NLGN4X: variants seen among roughly 807,000 people sequenced by gnomAD.
NLGN4X encodes the protein neuroligin 4 X-linked, also known as neuroligin-4, X-linked.
Under a neutral mutation model 40.3 loss-of-function variants are expected in NLGN4X, and 3 were observed. That is an observed-to-expected ratio of 0.07 (90% CI 0.03 to 0.19). NLGN4X has a LOEUF of 0.19. NLGN4X is among the 10% of genes least tolerant of loss of function. The pLI, the probability that NLGN4X is intolerant of heterozygous loss-of-function variation, is 1.00. For synonymous variants in NLGN4X, 270 were observed against 306.8 expected, an observed-to-expected ratio of 0.88 and a Z score of 1.25; for missense variants, 382 against 708.3, an observed-to-expected ratio of 0.54 and a Z score of 5.23.
chrX:6,113,232 A>G (rs1430641136), intron 2 of NLGN4X, among the ~76,000 whole-genome samples: 1 of 111,338 alleles, frequency 9.0e-6, no homozygotes, highest in Non-Finnish European at 1.9e-5. Flanking sequence ...AAAATTGCAC[A>G]CATATTGGCT....
At chrX:6,154,259 G>A (rs766224642) in intron 1 of NLGN4X, among the ~76,000 whole-genome samples, 1 of 112,203 alleles carries the variant, frequency 8.9e-6, no homozygotes, top group Admixed American at 9.5e-5. Context: ...AAGGCATCAA[G>A]TATAAAATTA....
At chrX:5,917,219 C>A (rs1415616149) in intron 3 of NLGN4X, among the ~76,000 whole-genome samples, 1 of 112,607 alleles carries the variant, frequency 8.9e-6, no homozygotes, top group East Asian at 2.8e-4. Context: ...GCACGGCTAG[C>A]TCATGGACCC....
At chrX:6,170,558 A>G (rs1156349539) in intron 1 of NLGN4X, among the ~76,000 whole-genome samples, 1 of 111,923 alleles carries the variant, frequency 8.9e-6, no homozygotes, top group Non-Finnish European at 1.9e-5. Flanking sequence ...TTGTTTCAAT[A>G]AAGAAAGGCA....
chrX:5,908,303 G>A (rs1461396805), intron 4 of NLGN4X, among the ~76,000 whole-genome samples: 1 of 110,520 alleles, frequency 9.0e-6, no homozygotes, highest in African/African-American at 3.3e-5. Flanking sequence ...CTAAATGAAT[G>A]CACCAGACGT....
intron 3 of NLGN4X, among the ~76,000 whole-genome samples, chrX:5,945,735 A>G (rs2034100905): frequency 9.0e-6 from 1 of 110,978 alleles, no homozygotes; most frequent in Non-Finnish European, 1.9e-5. Context: ...GAACACATGC[A>G]CACATAGAGG....
At chrX:6,015,620 C>T (rs1482624644) in intron 3 of NLGN4X, among the ~76,000 whole-genome samples, 1 of 111,847 alleles carries the variant, frequency 8.9e-6, no homozygotes, top group Non-Finnish European at 1.9e-5. Context: ...TCAGCATTTA[C>T]ATTCCTGAGT....
chrX:6,012,122 A>T (rs1428330287), intron 3 of NLGN4X, among the ~76,000 whole-genome samples: 4 of 112,722 alleles, frequency 3.5e-5, no homozygotes, highest in Non-Finnish European at 7.5e-5. Flanking sequence ...TTGTAATCAG[A>T]TTTAATCACA....
intron 3 of NLGN4X, among the ~76,000 whole-genome samples, chrX:5,931,190 T>C (rs933992160): frequency 3.6e-5 from 4 of 112,090 alleles, no homozygotes; most frequent in African/African-American, 1.3e-4. Context: ...AAAATTCATA[T>C]TGCAATAAAA....
At chrX:5,911,525 G>A (rs1174807825) in intron 3 of NLGN4X, among the ~76,000 whole-genome samples, 4 of 112,252 alleles carry the variant, frequency 3.6e-5, no homozygotes, top group Admixed American at 9.5e-5. Flanking sequence ...TGAGGGAAAC[G>A]ACAATCCATG....
chrX:5,952,730 AGGCT>A (rs928460243), intron 3 of NLGN4X, among the ~76,000 whole-genome samples: 1 of 111,293 alleles, frequency 9.0e-6, no homozygotes, highest in African/African-American at 3.3e-5. Flanking sequence ...TCTGTAAGAC[AGGCT>A]GGCTGGCTGG....
At chrX:5,980,559 C>G (rs1345577370) in intron 3 of NLGN4X, among the ~76,000 whole-genome samples, 3 of 100,443 alleles carry the variant, frequency 3.0e-5, no homozygotes, top group African/African-American at 1.1e-4. Flanking sequence ...GTTTTTTGTA[C>G]AAATTGTGAG....
rs1413598974 is a variant in NLGN4X, at chrX:6,028,596, T to A, written c.625+684A>T. Among the ~76,000 whole-genome samples the A allele has an allele frequency of 5.6e-5, 6 of 107,750 alleles. No homozygotes were observed. The East Asian group carries it at 1.7e-3, about 31-fold the overall frequency. The allele number at this position is 107,750 out of a possible 115,157, so 93.6% of individuals were successfully genotyped here. On this transcript the variant is annotated intron_variant, in intron 3 of 5. Coordinates refer to ENST00000381095, the MANE Select transcript of NLGN4X (RefSeq NM_181332.3). ...ATCACTTGAACCCGGGAGGCAGAGG[T>A]TGTAGTGAGCCAAGATCGCACCACT...
At chrX:6,025,920 G>GA (rs1304238371) in intron 3 of NLGN4X, among the ~76,000 whole-genome samples, 1 of 99,466 alleles carries the variant, frequency 1.0e-5, no homozygotes, top group East Asian at 3.3e-4. Context: ...AAAAAAAAAA[G>GA]AAAAGAAAAA....
At chrX:6,118,555 C>T (rs1370504446) in intron 2 of NLGN4X, among the ~76,000 whole-genome samples, 1 of 111,197 alleles carries the variant, frequency 9.0e-6, no homozygotes, top group Non-Finnish European at 1.9e-5. Flanking sequence ...TAAAATATTC[C>T]CAGAATCTGG....
rs754491752 is a variant in NLGN4X at position 5,994,352 on chromosome X, A to G, written c.625+34928T>C. Among the ~76,000 whole-genome samples the G allele has an allele frequency of 2.7e-5, 3 of 111,883 alleles. No homozygotes were observed. In the South Asian group the frequency reaches 1.1e-3, roughly 42 times the overall value. The stretch of plus-strand genomic sequence containing the variant: ...ACTTTACTAGAACCTCTTAGTGGGT[A>G]GACAGGAGATGGGTAATTACCTAAT... On this transcript the variant is annotated intron_variant, in intron 3 of 5. Transcript: ENST00000381095.
intron 3 of NLGN4X, among the ~76,000 whole-genome samples, chrX:5,995,256 C>T (rs991480945): frequency 1.8e-5 from 2 of 112,331 alleles, no homozygotes; most frequent in African/African-American, 6.5e-5. Flanking sequence ...GAGCTTTATA[C>T]ACAAAATTGC....
chrX:6,181,535 G>A (rs1602380615), intron 1 of NLGN4X, among the ~76,000 whole-genome samples: 1 of 111,597 alleles, frequency 9.0e-6, no homozygotes, highest in South Asian at 3.8e-4. Flanking sequence ...AGAAGTCCAA[G>A]GTTAAGGGGC....
chrX:6,023,475 G>C (rs2036604552), intron 3 of NLGN4X, among the ~76,000 whole-genome samples: 1 of 112,102 alleles, frequency 8.9e-6, no homozygotes, highest in Non-Finnish European at 1.9e-5. Flanking sequence ...ATTCATACTT[G>C]ACATTAATTA....
chrX:6,207,882 C>G (rs1267226097), intron 1 of NLGN4X, among the ~76,000 whole-genome samples: 1 of 111,922 alleles, frequency 8.9e-6, no homozygotes, highest in East Asian at 2.8e-4. Flanking sequence ...AAATGTTATA[C>G]TGCATTCTTT....
Sources: allele counts gnomAD v4.1 joint callset (sites outside exome capture counted in the v4.1 genomes callset), GRCh38; gene constraint gnomAD v4.1.1; transcripts MANE v1.5; gene names NCBI Gene and HGNC (gene_info 2026-07-23, HGNC 2026-07-21).